FAT3: variants seen among roughly 807,000 people sequenced by gnomAD.
FAT3 encodes protocadherin Fat 3.
A neutral mutation model predicts 310.2 loss-of-function variants in FAT3; 95 were observed. That is an observed-to-expected ratio of 0.31 (90% CI 0.26 to 0.36). The LOEUF is 0.36. Among genes scored for constraint, FAT3 ranks in the 10% least tolerant of loss-of-function variants. The probability of loss-of-function intolerance (pLI) is 1.00; values close to 1 mark genes in which losing one functional copy is unlikely to be tolerated. For missense variants in FAT3, 5,408 were observed against 5,715.6 expected (o/e 0.95, Z 1.74); for synonymous variants, 2,314 against 2,192.9 (o/e 1.06, Z -1.54).
At chr11:92,326,837 G>A (rs1030514465) in intron 1 of FAT3, among the ~76,000 whole-genome samples, 1 of 152,100 alleles carries the variant, frequency 6.6e-6, no homozygotes, top group Non-Finnish European at 1.5e-5. Flanking sequence ...GACCTATATT[G>A]ACTCACTTCT....
intron 4 of FAT3, among the ~76,000 whole-genome samples, chr11:92,711,826 C>T (rs931459065): frequency 6.6e-6 from 1 of 152,184 alleles, no homozygotes; most frequent in Non-Finnish European, 1.5e-5. Context: ...ATCAGCTACT[C>T]TCCTTTCTTC....
chr11:92,584,526 AC>A (rs1206307130), intron 3 of FAT3, among the ~76,000 whole-genome samples: 5 of 151,876 alleles, frequency 3.3e-5, no homozygotes, highest in African/African-American at 1.2e-4. Context: ...ACTCATTCAT[AC>A]AACCAAAGAT....
At position 92,259,194 on chromosome 11, in the gene FAT3, A is replaced by C. The variant is rs566421783; in HGVS notation, c.-18+34020A>C. Reference sequence around the variant, plus strand: ...TAGGATTCTTTATTTCAATTATTTAAGAGAATTAGAGAATGAAATGGTTCA... The same window carrying C: ...TAGGATTCTTTATTTCAATTATTTACGAGAATTAGAGAATGAAATGGTTCA... On this transcript the variant is annotated intron_variant, in intron 1 of 27. Coordinates refer to ENST00000525166, the MANE Select transcript of FAT3 (RefSeq NM_001367949.2). Among the ~76,000 whole-genome samples the C allele has an allele frequency of 3.3e-5, 5 of 152,246 alleles. 1 individual carries two copies. Among genetic ancestry groups the C allele is most frequent in the African/African-American group, 1.2e-4 (5 of 41,560 alleles).
intron 2 of FAT3, among the ~76,000 whole-genome samples, chr11:92,470,664 T>A (rs1951880741): frequency 2.0e-5 from 3 of 152,204 alleles, no homozygotes; most frequent in Admixed American, 6.5e-5. Flanking sequence ...CCAAGGGTGA[T>A]CATTTTCTGT....
Position 92,801,230 on chromosome 11 carries a change from G to T in FAT3, c.8217G>T (p.Trp2739Cys). 4.3e-6 allele frequency: 7 copies of T among 1,613,856 alleles called. No homozygotes were observed. Among genetic ancestry groups the T allele is most frequent in the Non-Finnish European group, 5.9e-6 (7 of 1,179,874 alleles). Residue 2739 changes from tryptophan (W) to cysteine (C), a missense_variant, in exon 10 of 28, where the codon TGG (tryptophan) becomes TGT (cysteine). Coordinates refer to ENST00000525166, the MANE Select transcript of FAT3 (RefSeq NM_001367949.2). ...GGATTTTGCCCAGTCAGAATGTCTG[G>T]TTCAGCACAGTTAATGGGGAACGGC... is the stretch of plus-strand genomic sequence containing the variant. The part of the protein sequence containing the change: ...TLRILPSQNV[W>C]FSTVNGERPE...
intron 2 of FAT3, among the ~76,000 whole-genome samples, chr11:92,477,436 T>C (rs1013954398): frequency 4.6e-5 from 7 of 152,236 alleles, no homozygotes; most frequent in African/African-American, 1.7e-4. Context: ...GTCTTTCCTT[T>C]CTTTTTGGAT....
At chr11:92,806,568 G>A in intron 12 of FAT3, 53 bp downstream of exon 12, 1 of 1,456,486 alleles carries the variant, frequency 6.9e-7, no homozygotes, top group Non-Finnish European at 9.3e-7. Flanking sequence ...CATGAGAGAA[G>A]TTAAACTTAT....
Position 92,353,419 on chromosome 11 carries a change from A to G in FAT3, c.1307A>G (p.Asn436Ser), listed in dbSNP as rs748440423. The change falls in exon 2 of 28, where the codon AAT becomes AGT. Residue 436 changes from asparagine (N) to serine (S), a missense_variant. This residue lies in a region of FAT3 where 4,588 missense variants were observed against 4,809.8 expected (regional missense o/e 0.95). Transcript: ENST00000525166. Reference sequence around the variant, plus strand: ...CTGATTGTTACAGCACGGCCACTGAATACTGTTAAGAAGGAGGTTTATAAA... The same window carrying G: ...CTGATTGTTACAGCACGGCCACTGAGTACTGTTAAGAAGGAGGTTTATAAA... ...SGLIVTARPLNTVKKEVYKLE... is the reference protein window; with the variant it reads ...SGLIVTARPLSTVKKEVYKLE... The G allele has an allele frequency of 1.3e-5, 21 of 1,613,486 alleles. No homozygotes were observed. Among genetic ancestry groups the G allele is most frequent in the Non-Finnish European group, 1.6e-5 (19 of 1,179,812 alleles).
intron 2 of FAT3, among the ~76,000 whole-genome samples, chr11:92,379,679 C>T (rs1003542133): frequency 3.6e-4 from 45 of 123,908 alleles, no homozygotes; most frequent in East Asian, 2.0e-3. Context: ...CATCTCTTCA[C>T]AGTCAGGAGC....
In FAT3 at chr11:92,800,414, C is replaced by T. The variant is rs1175313819; in HGVS notation, c.7401C>T (p.Leu2467=). 1 of 1,613,988 alleles carries T rather than the reference C, an allele frequency of 6.2e-7. No individual in the cohort carries two copies. Among genetic ancestry groups the T allele is most frequent in the Admixed American group, 1.7e-5 (1 of 60,022 alleles). ...RKQRMEPLYS[L]NVSVSDGLFT... is the part of the protein sequence containing the mutation. ...AGCGGATGGAGCCTCTGTACAGTCTCAATGTGTCTGTCTCTGATGGGTTGT... is the reference window on the plus strand; with the variant it reads ...AGCGGATGGAGCCTCTGTACAGTCTTAATGTGTCTGTCTCTGATGGGTTGT... Residue 2467 remains leucine, a synonymous_variant, in exon 10 of 28, where the codon CTC becomes CTT. Transcript: ENST00000525166.
chr11:92,854,393 C>T (rs116605818), intron 19 of FAT3, among the ~76,000 whole-genome samples: 22 of 152,064 alleles, frequency 1.4e-4, no homozygotes, highest in Admixed American at 1.1e-3. Flanking sequence ...GCAGGGTTCA[C>T]ACTTGCCAAC....
intron 2 of FAT3, among the ~76,000 whole-genome samples, chr11:92,452,523 A>G (rs1380107705): frequency 1.3e-5 from 2 of 152,232 alleles, no homozygotes; most frequent in South Asian, 4.1e-4. Context: ...GGTAGTTGGT[A>G]GAGAATATGG....
Position 92,800,822 on chromosome 11 carries a change from G to T in FAT3, c.7809G>T (p.Val2603=). ...ENDNAPQFMT[V]EYRASVRADV... The stretch of plus-strand genomic sequence containing the variant: ...ACAATGCTCCCCAGTTCATGACAGT[G>T]GAATATAGAGCCAGTGTCAGGGCAG... Residue 2603 remains valine (V), a synonymous_variant, in exon 10 of 28, where the codon GTG becomes GTT. Coordinates refer to ENST00000525166, the MANE Select transcript of FAT3 (RefSeq NM_001367949.2). 4 of 1,613,758 alleles carry T rather than the reference G, an allele frequency of 2.5e-6. No homozygotes were observed. The highest frequency in any genetic ancestry group is 1.3e-5 in the African/African-American group (1 of 75,032).
At chr11:92,727,445 T>TA (rs34774306) in intron 4 of FAT3, among the ~76,000 whole-genome samples, 47,234 of 151,186 alleles carry the variant, frequency 0.31, 7,603 homozygotes, top group Non-Finnish European at 0.33. Context: ...TAATAATGCT[T>TA]AAAAAAAAAC....
intron 1 of FAT3, among the ~76,000 whole-genome samples, chr11:92,235,625 T>C (rs561082504): frequency 6.6e-6 from 1 of 152,326 alleles, no homozygotes; most frequent in East Asian, 1.9e-4. Flanking sequence ...CAATTGACCA[T>C]CTATGACCAA....
At chr11:92,605,351 C>T (rs941511314) in intron 3 of FAT3, among the ~76,000 whole-genome samples, 2 of 152,210 alleles carry the variant, frequency 1.3e-5, no homozygotes, top group African/African-American at 4.8e-5. Flanking sequence ...TCTGTCACTT[C>T]CAGGTGGGCT....
chr11:92,289,920 A>C (rs1018581916), intron 1 of FAT3, among the ~76,000 whole-genome samples: 1 of 152,048 alleles, frequency 6.6e-6, no homozygotes, highest in Non-Finnish European at 1.5e-5. Context: ...ACTGAGAGTA[A>C]ACTTTGCAAA....
chr11:92,335,433 G>C (rs1289793387), intron 1 of FAT3, among the ~76,000 whole-genome samples: 2 of 152,152 alleles, frequency 1.3e-5, no homozygotes, highest in Non-Finnish European at 2.9e-5. Context: ...TTGGGTTTAA[G>C]TGAGGTAATT....
chr11:92,804,193 T>C (rs1200023497), intron 10 of FAT3, among the ~76,000 whole-genome samples: 1 of 152,188 alleles, frequency 6.6e-6, no homozygotes. Flanking sequence ...TGTCCACTGA[T>C]GTAGCCCTGC....
Sources: gnomAD v4.1 joint callset for allele counts (sites outside exome capture counted in the v4.1 genomes callset) on GRCh38, gnomAD v4.1.1 for gene constraint, gnomAD v4.1.1 regional missense constraint, MANE v1.5 for transcripts, NCBI Gene and HGNC (gene_info 2026-07-23, HGNC 2026-07-21) for gene names.